Variants in RALGAPA2 observed in about 807,000 individuals in gnomAD.
RALGAPA2 encodes the protein Ral GTPase activating protein catalytic subunit alpha 2.
Under a neutral mutation model 230.4 loss-of-function variants are expected in RALGAPA2, and 139 were observed. That is an observed-to-expected ratio of 0.60 (90% CI 0.53 to 0.69). RALGAPA2 has a LOEUF of 0.69. RALGAPA2 is among the 30% of genes least tolerant of loss of function. The pLI, the probability that RALGAPA2 is intolerant of heterozygous loss-of-function variation, is 0.00. For synonymous variants in RALGAPA2, 847 were observed against 837.8 expected (o/e 1.01, Z -0.19); for missense variants, 2,163 against 2,276.0 (o/e 0.95, Z 1.01).
intron 35 of RALGAPA2, among the ~76,000 whole-genome samples, chr20:20,497,822 G>T (rs1322330955): frequency 6.6e-6 from 1 of 152,184 alleles, no homozygotes; most frequent in African/African-American, 2.4e-5. Flanking sequence ...CAATTTTTGT[G>T]TGGTAATGAT....
chr20:20,422,590 A>G (rs1431276405), intron 37 of RALGAPA2, among the ~76,000 whole-genome samples: 1 of 152,176 alleles, frequency 6.6e-6, no homozygotes, highest in African/African-American at 2.4e-5. Context: ...ATGCCCCCCA[A>G]AATGCCTAGT....
At position 20,571,646 on chromosome 20, in the gene RALGAPA2, A is replaced by C. The variant is rs375242548; in HGVS notation, c.3001-33T>G. 1.4e-5 allele frequency: 22 copies of C among 1,594,858 alleles called. No homozygotes were observed. The African/African-American group carries it at 2.7e-4, about 19-fold the overall frequency. ...GGAGATGATGTTTCCAGATTAAATC[A>C]AGCCCAGGTGCAGAGTATTTCAACA... On this transcript the variant is annotated intron_variant, in intron 22 of 39. Transcript: ENST00000202677.
intron 23 of RALGAPA2, among the ~76,000 whole-genome samples, chr20:20,547,329 C>T (rs898733510): frequency 3.9e-5 from 6 of 152,170 alleles, no homozygotes; most frequent in Admixed American, 2.6e-4. Flanking sequence ...GCTAAGGTGA[C>T]GTTGTAATCA....
chr20:20,491,667 T>A (rs2123567159), intron 36 of RALGAPA2, among the ~76,000 whole-genome samples: 1 of 152,324 alleles, frequency 6.6e-6, no homozygotes, highest in Admixed American at 6.5e-5. Context: ...TATATGCAAG[T>A]CTTTCCTTGA....
At chr20:20,449,101 C>T (rs537212102) in intron 37 of RALGAPA2, among the ~76,000 whole-genome samples, 2 of 152,170 alleles carry the variant, frequency 1.3e-5, no homozygotes, top group Non-Finnish European at 2.9e-5. Flanking sequence ...ATGCTACCTA[C>T]GCTTGAATGA....
chr20:20,690,187 CAT>C (rs1448814756), intron 1 of RALGAPA2, among the ~76,000 whole-genome samples: 1 of 152,128 alleles, frequency 6.6e-6, no homozygotes, highest in African/African-American at 2.4e-5. Flanking sequence ...TCACTGGAAA[CAT>C]GTGATATGGA....
intron 33 of RALGAPA2, among the ~76,000 whole-genome samples, chr20:20,506,659 A>G (rs908121231): frequency 1.3e-5 from 2 of 152,024 alleles, no homozygotes; most frequent in Non-Finnish European, 2.9e-5. Flanking sequence ...AAATACAGAA[A>G]TATTTTTTCT....
rs184345294 is a variant in RALGAPA2 at position 20,617,807 on chromosome 20, T to C, written c.1539+1470A>G. Among the ~76,000 whole-genome samples the C allele has an allele frequency of 2.0e-5, 3 of 152,298 alleles. No homozygotes were observed. In the East Asian group the frequency reaches 5.8e-4, roughly 29 times the overall value. On this transcript the variant is annotated intron_variant, in intron 12 of 39. Transcript: ENST00000202677. The stretch of plus-strand genomic sequence containing the variant: ...AATTACTGTCTTATCAAACCTCCAT[T>C]TGGCCCCTTTTTCTTAATAAACAAA...
intron 36 of RALGAPA2, among the ~76,000 whole-genome samples, chr20:20,489,942 A>G (rs2062009448): frequency 6.6e-6 from 1 of 152,238 alleles, no homozygotes; most frequent in African/African-American, 2.4e-5. Flanking sequence ...GCCAAAGGAG[A>G]GAAGATAAAG....
chr20:20,659,797 GA>G, intron 3 of RALGAPA2: 1 of 871,056 alleles, frequency 1.1e-6, no homozygotes. Context: ...TGGAGAGAAG[GA>G]AAAAACAGAA....
intron 3 of RALGAPA2, among the ~76,000 whole-genome samples, chr20:20,658,640 G>A (rs891268939): frequency 6.6e-6 from 1 of 152,140 alleles, no homozygotes; most frequent in African/African-American, 2.4e-5. Context: ...ACTCGAAATC[G>A]AAATTAGGTA....
At chr20:20,471,545 C>T (rs771850445) in intron 37 of RALGAPA2, 4 of 151,410 alleles carry the variant, frequency 2.6e-5, no homozygotes, top group Non-Finnish European at 4.4e-5. Flanking sequence ...TGCCAAGAGG[C>T]TCTTTTTAAT....
At chr20:20,440,775 G>A (rs2060721576) in intron 37 of RALGAPA2, among the ~76,000 whole-genome samples, 1 of 152,238 alleles carries the variant, frequency 6.6e-6, no homozygotes, top group Non-Finnish European at 1.5e-5. Flanking sequence ...ACTGCCAGGT[G>A]GTCGCGCTTC....
chr20:20,636,827 T>C (rs758911926), intron 8 of RALGAPA2, among the ~76,000 whole-genome samples: 1 of 152,176 alleles, frequency 6.6e-6, no homozygotes, highest in Non-Finnish European at 1.5e-5. Flanking sequence ...AGGAGCCAAA[T>C]TGGAAATTCC....
intron 1 of RALGAPA2, among the ~76,000 whole-genome samples, chr20:20,711,188 T>A (rs2069847468): frequency 6.6e-6 from 1 of 152,334 alleles, no homozygotes; most frequent in East Asian, 1.9e-4. Context: ...TTGGTTTGGC[T>A]TGGGTTCTTC....
chr20:20,529,758 C>T (rs1271472311), intron 27 of RALGAPA2, among the ~76,000 whole-genome samples: 1 of 152,126 alleles, frequency 6.6e-6, no homozygotes, highest in Non-Finnish European at 1.5e-5. Context: ...TTATGATGTT[C>T]ACACAACAAT....
At chr20:20,609,228 G>C (rs2065908619) in intron 14 of RALGAPA2, among the ~76,000 whole-genome samples, 1 of 152,016 alleles carries the variant, frequency 6.6e-6, no homozygotes, top group South Asian at 2.1e-4. Context: ...TGAATTCATG[G>C]GCTCAAGCAA....
intron 31 of RALGAPA2, among the ~76,000 whole-genome samples, chr20:20,513,991 A>T (rs1471542708): frequency 3.3e-5 from 5 of 152,220 alleles, no homozygotes; most frequent in Admixed American, 3.3e-4. Context: ...TGAGTGCACC[A>T]GGCTGCTCCC....
chr20:20,712,595 CCCGCTGCTG>C lies in RALGAPA2; in HGVS notation c.-124_-116del. The C allele has an allele frequency of 1.7e-6, 2 of 1,187,912 alleles. No homozygotes were observed. The highest frequency in any genetic ancestry group is 3.7e-5 in the South Asian group (1 of 27,264). The allele number at this position is 1,187,912 out of a possible 1,614,324, so 73.6% of individuals were successfully genotyped here. On this transcript the variant is annotated 5_prime_UTR_variant, in exon 1 of 40. Coordinates refer to ENST00000202677, the MANE Select transcript of RALGAPA2 (RefSeq NM_020343.4). The surrounding 1 kb of genome is among the most constrained non-coding windows in gnomAD (Gnocchi z 5.5). The stretch of plus-strand genomic sequence containing the variant: ...GCGCGGGCCACTCGCCGCCCCCAGC[CCCGCTGCTG>C]CCGCCGCCGCCGCCGCCGCCGCCGC...
Sources: gnomAD v4.1 joint callset for allele counts (sites outside exome capture counted in the v4.1 genomes callset) on GRCh38, gnomAD v4.1.1 for gene constraint, Gnocchi (gnomAD v3.1) non-coding constraint, MANE v1.5 for transcripts, NCBI Gene and HGNC (gene_info 2026-07-23, HGNC 2026-07-21) for gene names.